Variants in PLA2G15 observed in about 807,000 individuals in gnomAD.
The protein encoded by PLA2G15 is phospholipase A2 group XV.
In PLA2G15, 20 loss-of-function variants were observed where a neutral mutation model predicts 40.9. That is an observed-to-expected ratio of 0.49 (90% confidence interval 0.34 to 0.71). The LOEUF is 0.71. Among genes scored for constraint, PLA2G15 ranks in the 30% least tolerant of loss-of-function variants. The pLI is 0.01. For missense variants in PLA2G15, 471 were observed against 541.9 expected (o/e 0.87, Z 1.30); for synonymous variants, 223 against 228.2 (o/e 0.98, Z 0.21).
At chr16:68,256,285 T>C (rs1445981904) in intron 5 of PLA2G15, 6 of 325,692 alleles carry the variant, frequency 1.8e-5, no homozygotes, top group Non-Finnish European at 3.4e-5. Flanking sequence ...TTATATTCTG[T>C]AGGGAAAGGG....
At chr16:68,252,551 A>C (rs2042364509) in intron 2 of PLA2G15, 1 of 455,950 alleles carries the variant, frequency 2.2e-6, no homozygotes, top group Non-Finnish European at 4.4e-6. Context: ...GCAGCTGTGT[A>C]CTGAGCCCTG....
At chr16:68,257,177 G>A (rs751607184) in intron 5 of PLA2G15, among the ~76,000 whole-genome samples, 20 of 151,922 alleles carry the variant, frequency 1.3e-4, no homozygotes, top group South Asian at 2.1e-4. Flanking sequence ...ATGAACCACC[G>A]CACCCGGCCA....
rs968931339 is a variant in PLA2G15, at chr16:68,254,980, C to G, written c.346C>G (p.Pro116Ala). Residue 116 changes from proline to alanine, a missense_variant, in exon 3 of 6, where the codon CCT becomes GCT. Pro to Ala is a conservative substitution (Grantham distance 27). Coordinates refer to ENST00000219345, the MANE Select transcript of PLA2G15 (RefSeq NM_012320.4). ...TCCTGATGGTGTGGATGTACGTGTC[C>G]CTGGCTTTGGGAAGACCTTCTCACT... is the stretch of plus-strand genomic sequence containing the variant. ...QFPDGVDVRV[P>A]GFGKTFSLEF... is the part of the protein sequence containing the mutation. The G allele has an allele frequency of 9.3e-6, 15 of 1,614,044 alleles. No homozygotes were observed. Among genetic ancestry groups the G allele is most frequent in the Non-Finnish European group, 1.3e-5 (15 of 1,179,978 alleles).
chr16:68,248,145 A>C (rs542232673), intron 1 of PLA2G15: 2 of 152,234 alleles, frequency 1.3e-5, no homozygotes, highest in Non-Finnish European at 2.9e-5. Flanking sequence ...TCTGGCCTTT[A>C]GTAAGGCCTG....
At chr16:68,256,572 G>A (rs958828721) in intron 5 of PLA2G15, among the ~76,000 whole-genome samples, 2 of 151,970 alleles carry the variant, frequency 1.3e-5, no homozygotes, top group Non-Finnish European at 2.9e-5. Context: ...GGAATGCAGT[G>A]GTGCAATCTT....
chr16:68,255,090 A>ACTGGAG lies in PLA2G15; in HGVS notation c.403+66_403+71dup, dbSNP rs1596948530. On this transcript the variant is annotated intron_variant, in intron 3 of 5. Coordinates refer to ENST00000219345, the MANE Select transcript of PLA2G15 (RefSeq NM_012320.4). The surrounding 1 kb of genome is among the most constrained non-coding windows in gnomAD (Gnocchi z 5.9). ...GGAGCTGGGATGGGGTTTCTGCCGG[A>ACTGGAG]CTGGAGCTGGAGCTGGAGGAACTCT... The ACTGGAG allele has an allele frequency of 7.9e-7, 1 of 1,261,790 alleles. No homozygotes were observed. Among genetic ancestry groups the ACTGGAG allele is most frequent in the South Asian group, 1.2e-5 (1 of 83,628 alleles). The allele number at this position is 1,261,790 out of a possible 1,614,324, so 78.2% of individuals were successfully genotyped here.
Position 68,260,061 on chromosome 16 carries a change from G to A in PLA2G15, c.*404G>A. On this transcript the variant is annotated 3_prime_UTR_variant, in exon 6 of 6. Transcript: ENST00000219345. ...CTATGAGGGATGTTACTGGGCTGTG[G>A]TCCTGTACCCAGAGGTCCCAGGGAT... The A allele has an allele frequency of 4.7e-6, 1 of 214,488 alleles. No homozygotes were observed. Among genetic ancestry groups the A allele is most frequent in the Non-Finnish European group, 9.5e-6 (1 of 105,406 alleles). The allele number at this position is 214,488 out of a possible 1,614,324, so 13.3% of individuals were successfully genotyped here.
At chr16:68,258,274 G>T (rs923973305) in intron 5 of PLA2G15, among the ~76,000 whole-genome samples, 1 of 152,216 alleles carries the variant, frequency 6.6e-6, no homozygotes, top group Non-Finnish European at 1.5e-5. Context: ...GCCACGGCTG[G>T]CTGAACGCTG....
chr16:68,246,014 C>T (rs1206982071), intron 1 of PLA2G15, among the ~76,000 whole-genome samples: 5 of 152,198 alleles, frequency 3.3e-5, no homozygotes, highest in Non-Finnish European at 5.9e-5. Context: ...CTGAAAGGAA[C>T]CTCCTTAGGG....
intron 2 of PLA2G15, among the ~76,000 whole-genome samples, chr16:68,251,137 T>C (rs2042351834): frequency 6.6e-6 from 1 of 151,736 alleles, no homozygotes; most frequent in African/African-American, 2.4e-5. Flanking sequence ...CAACAGGTGG[T>C]TTTTAAACCT....
At position 68,255,812 on chromosome 16, in the gene PLA2G15, G is replaced by A. The variant is rs1348093237; in HGVS notation, c.549G>A (p.Glu183=). ...YFLALREMIE[E]MYQLYGGPVV... ...TGGCCCTCCGCGAGATGATCGAGGA[G>A]ATGTACCAGCTGTATGGGGGCCCCG... The change falls in exon 5 of 6, where the codon GAG becomes GAA. Residue 183 remains glutamate, a synonymous_variant. Coordinates refer to ENST00000219345, the MANE Select transcript of PLA2G15 (RefSeq NM_012320.4). This position sits in a 1 kb window ranked among gnomAD's most constrained non-coding sequence, Gnocchi z 5.9. 6.2e-7 allele frequency: 1 copy of A among 1,614,204 alleles called. No homozygotes were observed. Among genetic ancestry groups the A allele is most frequent in the Admixed American group, 1.7e-5 (1 of 60,026 alleles).
At chr16:68,257,459 T>C (rs2042411448) in intron 5 of PLA2G15, among the ~76,000 whole-genome samples, 1 of 152,180 alleles carries the variant, frequency 6.6e-6, no homozygotes, top group African/African-American at 2.4e-5. Flanking sequence ...AAGCCACCCC[T>C]TTTATGGCTC....
At chr16:68,256,102 T>TG in intron 5 of PLA2G15, 112 bp downstream of exon 5, 1 of 667,818 alleles carries the variant, frequency 1.5e-6, no homozygotes, top group Admixed American at 2.9e-5. Context: ...CCACGGTGTG[T>TG]GGGGTCTATG....
chr16:68,254,799 T>C (rs2042387077), intron 2 of PLA2G15, 120 bp from the exon 3 acceptor site: 2 of 698,830 alleles, frequency 2.9e-6, no homozygotes, highest in Admixed American at 4.3e-5. Flanking sequence ...CGGTCTCTCC[T>C]ATCCATCTGA....
At chr16:68,251,935 G>A (rs867580719) in intron 2 of PLA2G15, among the ~76,000 whole-genome samples, 1 of 151,666 alleles carries the variant, frequency 6.6e-6, no homozygotes, top group Middle Eastern at 3.4e-3. Context: ...CCGGCTGTTT[G>A]TGATGCCCAT....
chr16:68,255,237 G>C lies in PLA2G15; in HGVS notation c.404-45G>C. ...CATGCTGGGCATAGTGTAGGTGGCC[G>C]GCACTAGCTGTATCTTTTCTTATCC... is the stretch of plus-strand genomic sequence containing the variant. On this transcript the variant is annotated intron_variant, in intron 3 of 5. Transcript: ENST00000219345. The surrounding 1 kb of genome is among the most constrained non-coding windows in gnomAD (Gnocchi z 5.9). The C allele has an allele frequency of 2.1e-6, 3 of 1,412,158 alleles. No homozygotes were observed. Among genetic ancestry groups the C allele is most frequent in the Non-Finnish European group, 3.0e-6 (3 of 998,692 alleles). 87.5% of individuals were successfully genotyped at this position (1,412,158 alleles called of 1,614,324 possible). A position where few individuals can be genotyped will look rare whatever the true frequency, so the allele number is the denominator to read the frequency against.
At chr16:68,250,560 C>G (rs1418775479) in intron 2 of PLA2G15, among the ~76,000 whole-genome samples, 1 of 152,092 alleles carries the variant, frequency 6.6e-6, no homozygotes, top group Non-Finnish European at 1.5e-5. Context: ...CGTGAGCCAC[C>G]ACACCCAGCC....
rs966794486 is a variant in PLA2G15, at chr16:68,259,860, C to T, written c.*203C>T. On this transcript the variant is annotated 3_prime_UTR_variant, in exon 6 of 6. Transcript: ENST00000219345. This position sits in a 1 kb window ranked among gnomAD's most constrained non-coding sequence, Gnocchi z 6.5. ...GAAGGAAGAAATGAGAGTCTAGACT[C>T]AAGGGACACTGGATGGCAAGAATGC... The T allele has an allele frequency of 5.0e-6, 3 of 603,436 alleles. No homozygotes were observed. Among genetic ancestry groups the T allele is most frequent in the Non-Finnish European group, 8.8e-6 (3 of 342,052 alleles). The allele number at this position is 603,436 out of a possible 1,614,324, so 37.4% of individuals were successfully genotyped here. A position where few individuals can be genotyped will look rare whatever the true frequency, so the allele number is the denominator to read the frequency against.
Position 68,259,309 on chromosome 16 carries a change from G to A in PLA2G15, c.891G>A (p.Lys297=), listed in dbSNP as rs763900575. 4 of 1,614,092 alleles carry A rather than the reference G, an allele frequency of 2.5e-6. No homozygotes were observed. The highest frequency in any genetic ancestry group is 2.2e-5 in the South Asian group (2 of 91,090). ...TINYTLRDYR[K]FFQDIGFEDG... is the part of the protein sequence containing the mutation. ...ACTACACACTGCGGGACTACCGCAA[G>A]TTCTTCCAGGACATCGGCTTTGAAG... Residue 297 remains lysine (K), a synonymous_variant, in exon 6 of 6, where the codon AAG becomes AAA. Coordinates refer to ENST00000219345, the MANE Select transcript of PLA2G15 (RefSeq NM_012320.4). The surrounding 1 kb of genome is among the most constrained non-coding windows in gnomAD (Gnocchi z 6.5).
Sources: allele counts gnomAD v4.1 joint callset (sites outside exome capture counted in the v4.1 genomes callset), GRCh38; gene constraint gnomAD v4.1.1; non-coding constraint Gnocchi (gnomAD v3.1); transcripts MANE v1.5; gene names NCBI Gene and HGNC (gene_info 2026-07-23, HGNC 2026-07-21).